The following AGK variants were observed in gnomAD, a reference collection of about 807,000 sequenced individuals.
AGK encodes acylglycerol kinase, mitochondrial.
In AGK, 52 loss-of-function variants were observed where a neutral mutation model predicts 66.4. That is an observed-to-expected ratio of 0.78 (90% confidence interval 0.63 to 0.99). AGK has a LOEUF of 0.99. Ranked by LOEUF, AGK falls within the 50% of genes least tolerant of loss-of-function variation. The probability of loss-of-function intolerance (pLI) is 0.00; values close to 1 mark genes in which losing one functional copy is unlikely to be tolerated. For missense variants in AGK, 451 were observed against 506.6 expected, an observed-to-expected ratio of 0.89 and a Z score of 1.05; for synonymous variants, 182 against 181.1, an observed-to-expected ratio of 1.00 and a Z score of -0.04.
intron 2 of AGK, among the ~76,000 whole-genome samples, chr7:141,587,482 C>T (rs1225057964): frequency 6.6e-6 from 1 of 152,160 alleles, no homozygotes; most frequent in Non-Finnish European, 1.5e-5. Context: ...CTGAAAATGT[C>T]CTTGGTGACC....
chr7:141,639,170 G>T (rs1358203237), intron 11 of AGK, among the ~76,000 whole-genome samples: 1 of 152,178 alleles, frequency 6.6e-6, no homozygotes, highest in Non-Finnish European at 1.5e-5. Context: ...CATCGAATTT[G>T]GCAGCCTCCA....
chr7:141,605,018 A>T (rs1026250238), intron 5 of AGK, among the ~76,000 whole-genome samples: 1 of 150,104 alleles, frequency 6.7e-6, no homozygotes, highest in Non-Finnish European at 1.5e-5. Context: ...CTGTTTTGTT[A>T]TAATTAGATT....
At chr7:141,592,316 A>C (rs1438938488) in intron 2 of AGK, among the ~76,000 whole-genome samples, 1 of 152,194 alleles carries the variant, frequency 6.6e-6, no homozygotes, top group Non-Finnish European at 1.5e-5. Flanking sequence ...TCTAGAGGCC[A>C]CCACATTCCT....
intron 2 of AGK, among the ~76,000 whole-genome samples, chr7:141,560,412 CTTCT>C (rs1795314452): frequency 6.6e-6 from 1 of 151,344 alleles, no homozygotes; most frequent in African/African-American, 2.4e-5. Context: ...CTTTCTTCTT[CTTCT>C]TTTTTTTTTC....
intron 2 of AGK, among the ~76,000 whole-genome samples, chr7:141,571,846 A>G (rs1275953224): frequency 6.6e-6 from 1 of 152,150 alleles, no homozygotes; most frequent in Non-Finnish European, 1.5e-5. Context: ...TTTTTAGAAC[A>G]ATGCCTGACA....
chr7:141,553,852 A>G lies in AGK; in HGVS notation c.-14-1601A>G, dbSNP rs974310471. ...GGGATTTAAAGGGAGTCATAAAAGA[A>G]CTGGACTTTTAAGTGGAAACAGTTT... On this transcript the variant is annotated intron_variant, in intron 1 of 15. Coordinates refer to ENST00000649286, the MANE Select transcript of AGK (RefSeq NM_018238.4). Among the ~76,000 whole-genome samples the G allele has an allele frequency of 7.2e-4, 109 of 152,150 alleles. 1 individual carries two copies. Among genetic ancestry groups the G allele is most frequent in the Non-Finnish European group, 1.8e-4 (12 of 68,030 alleles).
intron 2 of AGK, among the ~76,000 whole-genome samples, chr7:141,572,878 T>C (rs1795637644): frequency 6.6e-6 from 1 of 152,196 alleles, no homozygotes; most frequent in Non-Finnish European, 1.5e-5. Flanking sequence ...AGATTTACTT[T>C]TGGTGCAGAT....
intron 2 of AGK, among the ~76,000 whole-genome samples, chr7:141,559,810 T>C (rs575485925): frequency 1.8e-4 from 27 of 152,350 alleles, no homozygotes; most frequent in African/African-American, 5.5e-4. Flanking sequence ...CCTACTTGCT[T>C]AAGTTTATTC....
intron 2 of AGK, among the ~76,000 whole-genome samples, chr7:141,557,482 G>A (rs1011373060): frequency 1.3e-5 from 2 of 152,146 alleles, no homozygotes; most frequent in Admixed American, 1.3e-4. Flanking sequence ...GGTCAGTCGG[G>A]GAAAATTCCC....
rs574307201 is a variant in AGK, at chr7:141,654,499, C to T, written c.*1575C>T. The T allele has an allele frequency of 6.6e-6, 1 of 152,198 alleles. No homozygotes were observed. The highest frequency in any genetic ancestry group is 1.9e-4 in the East Asian group (1 of 5,200). The allele number at this position is 152,198 out of a possible 1,614,324, so 9.4% of individuals were successfully genotyped here. The stretch of plus-strand genomic sequence containing the variant: ...TTATTAATGATGATCTATCAACTAA[C>T]AAACAACTTGATTAGATTCTCCTTT... On this transcript the variant is annotated 3_prime_UTR_variant, in exon 16 of 16. Coordinates refer to ENST00000649286, the MANE Select transcript of AGK (RefSeq NM_018238.4).
chr7:141,588,229 C>G (rs1036995866), intron 2 of AGK, among the ~76,000 whole-genome samples: 11 of 152,200 alleles, frequency 7.2e-5, no homozygotes, highest in Admixed American at 6.5e-5. Flanking sequence ...TCCGACCCTA[C>G]TGTTAGCAGA....
intron 2 of AGK, among the ~76,000 whole-genome samples, chr7:141,558,229 C>G (rs1422023002): frequency 6.6e-6 from 1 of 151,856 alleles, no homozygotes; most frequent in Non-Finnish European, 1.5e-5. Flanking sequence ...GTGATCTTGG[C>G]TCACTGCAAC....
At chr7:141,567,498 A>T (rs1397552749) in intron 2 of AGK, among the ~76,000 whole-genome samples, 1 of 152,066 alleles carries the variant, frequency 6.6e-6, no homozygotes, top group African/African-American at 2.4e-5. Flanking sequence ...TTCAAAGAAA[A>T]AAAAGTCTGT....
chr7:141,625,372 C>A (rs1017795109), intron 9 of AGK, among the ~76,000 whole-genome samples: 1 of 152,068 alleles, frequency 6.6e-6, no homozygotes, highest in South Asian at 2.1e-4. Context: ...TATTTTTGGA[C>A]AGGATCTCAC....
rs762733264 is a variant in AGK at position 141,596,654 on chromosome 7, G to A, written c.221+13G>A. Reference sequence around the variant, plus strand: ...CAGCTTGCAAAGGGTAGTTCCGTTTGTGACTTGTTATATACTTGCTTTTTC... The same window carrying A: ...CAGCTTGCAAAGGGTAGTTCCGTTTATGACTTGTTATATACTTGCTTTTTC... On this transcript the variant is annotated intron_variant, in intron 4 of 15. Coordinates refer to ENST00000649286, the MANE Select transcript of AGK (RefSeq NM_018238.4). The A allele has an allele frequency of 3.7e-6, 6 of 1,611,640 alleles. No individual in the cohort carries two copies. The East Asian group carries it at 1.3e-4, about 36-fold the overall frequency.
At chr7:141,617,986 A>G (rs1030740752) in intron 8 of AGK, among the ~76,000 whole-genome samples, 2 of 152,150 alleles carry the variant, frequency 1.3e-5, no homozygotes, top group African/African-American at 4.8e-5. Flanking sequence ...TATTGGAGAG[A>G]AAAAAATGGT....
intron 2 of AGK, among the ~76,000 whole-genome samples, chr7:141,562,280 G>T (rs1321377404): frequency 2.0e-5 from 3 of 152,224 alleles, no homozygotes; most frequent in African/African-American, 7.2e-5. Flanking sequence ...AATGTCCTGA[G>T]TTGGTTGGCC....
chr7:141,593,265 G>T (rs1444256537), intron 3 of AGK, 80 bp downstream of exon 3: 2 of 1,281,702 alleles, frequency 1.6e-6, no homozygotes, highest in East Asian at 2.3e-5. Context: ...CAGGGGACTT[G>T]CACAGTGTCT....
chr7:141,559,539 T>C (rs769858354), intron 2 of AGK, among the ~76,000 whole-genome samples: 6 of 152,220 alleles, frequency 3.9e-5, no homozygotes, highest in Admixed American at 6.5e-5. Flanking sequence ...TTAAATTTAG[T>C]ACATATAAGA....
Sources: gnomAD v4.1 joint callset for allele counts (sites outside exome capture counted in the v4.1 genomes callset) on GRCh38, gnomAD v4.1.1 for gene constraint, MANE v1.5 for transcripts, NCBI Gene and HGNC (gene_info 2026-07-23, HGNC 2026-07-21) for gene names.